Variants in SMIM35 observed in about 807,000 individuals in gnomAD.
SMIM35 encodes TMPRSS4 antisense RNA 1 (non-protein coding).
chr11:118,012,780 C>G (rs2058156987), intron 4 of SMIM35, among the ~76,000 whole-genome samples: 1 of 152,148 alleles, frequency 6.6e-6, no homozygotes. Flanking sequence ...GGGAAGTTGG[C>G]CTCAGGTGGG....
intron 4 of SMIM35, among the ~76,000 whole-genome samples, chr11:118,009,568 A>G (rs879885402): frequency 4.6e-5 from 7 of 152,146 alleles, no homozygotes; most frequent in African/African-American, 7.2e-5. Context: ...TAATGCTTAG[A>G]ATCCTAGACC....
At chr11:118,062,545 A>T (rs1217568197) in intron 1 of SMIM35, among the ~76,000 whole-genome samples, 3 of 152,156 alleles carry the variant, frequency 2.0e-5, no homozygotes, top group Non-Finnish European at 4.4e-5. Flanking sequence ...CAGGTGGTTC[A>T]CTTGGGCTCT....
At chr11:118,042,384 A>G (rs556067049) in intron 1 of SMIM35, among the ~76,000 whole-genome samples, 6 of 152,318 alleles carry the variant, frequency 3.9e-5, no homozygotes, top group South Asian at 4.1e-4. Context: ...ATTCCTAGAA[A>G]TACACAAACC....
chr11:118,039,936 T>C (rs1014180078), intron 1 of SMIM35, among the ~76,000 whole-genome samples: 1 of 150,854 alleles, frequency 6.6e-6, no homozygotes, highest in Non-Finnish European at 1.5e-5. Context: ...TCCCAGCTAC[T>C]AGTGAGGCTG....
intron 1 of SMIM35, among the ~76,000 whole-genome samples, chr11:118,065,821 A>G (rs1211638611): frequency 6.6e-6 from 1 of 151,992 alleles, no homozygotes; most frequent in African/African-American, 2.4e-5. Context: ...TTGCTTCATT[A>G]TTTTCTTGCT....
At chr11:118,019,135 A>G (rs2058206267) in intron 1 of SMIM35, among the ~76,000 whole-genome samples, 2 of 152,210 alleles carry the variant, frequency 1.3e-5, no homozygotes, top group Non-Finnish European at 2.9e-5. Context: ...AGATATAGAG[A>G]TATATAGCAT....
intron 1 of SMIM35, among the ~76,000 whole-genome samples, chr11:118,034,811 A>T (rs1053038559): frequency 2.0e-5 from 3 of 152,190 alleles, no homozygotes; most frequent in African/African-American, 7.2e-5. Flanking sequence ...GACAAGGGGG[A>T]CGAGGAGCCA....
intron 1 of SMIM35, among the ~76,000 whole-genome samples, chr11:118,048,983 GA>G (rs1944162396): frequency 8.0e-6 from 1 of 125,566 alleles, no homozygotes; most frequent in Non-Finnish European, 1.7e-5. Flanking sequence ...AAACGATGAT[GA>G]TTTTGCCAAT....
chr11:118,026,675 G>A (rs973310392), intron 1 of SMIM35, among the ~76,000 whole-genome samples: 6 of 152,172 alleles, frequency 3.9e-5, no homozygotes, highest in African/African-American at 1.4e-4. Context: ...TCATTAAGAT[G>A]CAGGTCTTAG....
intron 1 of SMIM35, among the ~76,000 whole-genome samples, chr11:118,059,815 C>T (rs1288173633): frequency 6.6e-6 from 1 of 152,218 alleles, no homozygotes. Flanking sequence ...ATCTGAGACA[C>T]AGGGTGAGGT....
intron 1 of SMIM35, among the ~76,000 whole-genome samples, chr11:118,041,750 C>T (rs7120925): frequency 0.3 from 46,140 of 151,848 alleles, 7,034 homozygotes; most frequent in Admixed American, 0.36. Context: ...TCTTCTAAGA[C>T]GCTAGAGAAA....
chr11:118,030,325 G>A (rs1407104323), intron 1 of SMIM35, among the ~76,000 whole-genome samples: 3 of 152,060 alleles, frequency 2.0e-5, no homozygotes, highest in African/African-American at 4.8e-5. Flanking sequence ...GTGAGCCATC[G>A]CACCCAACTT....
chr11:118,062,969 G>C lies in SMIM35; in HGVS notation c.7+23782C>G, dbSNP rs529542357. Among the ~76,000 whole-genome samples the C allele has an allele frequency of 2.0e-5, 3 of 152,252 alleles. No homozygotes were observed. In the South Asian group the frequency reaches 6.2e-4, roughly 32 times the overall value. On this transcript the variant is annotated intron_variant, in intron 1 of 4. Transcript: ENST00000689828. The stretch of plus-strand genomic sequence containing the variant: ...GCTGGCCAAAACCCACCAAGACCAA[G>C]ATGGCGACAAGAGTGACCTCTGGTC...
chr11:118,016,177 G>T (rs1304803419), intron 1 of SMIM35, among the ~76,000 whole-genome samples: 1 of 152,116 alleles, frequency 6.6e-6, no homozygotes, highest in Non-Finnish European at 1.5e-5. Context: ...CACCTGGAGG[G>T]TCCAAGAACA....
intron 1 of SMIM35, among the ~76,000 whole-genome samples, chr11:118,057,993 A>C (rs1944341316): frequency 1.3e-5 from 2 of 152,220 alleles, no homozygotes; most frequent in African/African-American, 4.8e-5. Context: ...CCAAGCCTAT[A>C]ATTTGATACC....
At chr11:118,040,955 A>G (rs1943990448) in intron 1 of SMIM35, among the ~76,000 whole-genome samples, 1 of 151,418 alleles carries the variant, frequency 6.6e-6, no homozygotes. Context: ...ATTGCATAAT[A>G]TAATAATATA....
intron 1 of SMIM35, among the ~76,000 whole-genome samples, chr11:118,054,618 C>T (rs1034752592): frequency 8.6e-5 from 13 of 151,930 alleles, no homozygotes; most frequent in African/African-American, 3.1e-4. Flanking sequence ...CCCATGCAAC[C>T]GTCATTACCT....
intron 4 of SMIM35, among the ~76,000 whole-genome samples, chr11:118,010,658 AC>A (rs2058145227): frequency 6.6e-6 from 1 of 152,150 alleles, no homozygotes; most frequent in Non-Finnish European, 1.5e-5. Context: ...CACAGCAAAG[AC>A]GGACTTGGGC....
intron 1 of SMIM35, among the ~76,000 whole-genome samples, chr11:118,076,585 A>G (rs1323663581): frequency 6.6e-6 from 1 of 152,186 alleles, no homozygotes; most frequent in African/African-American, 2.4e-5. Flanking sequence ...AAGCACTAGT[A>G]CATTGGCTCT....
Sources: gnomAD v4.1 joint callset for allele counts (sites outside exome capture counted in the v4.1 genomes callset) on GRCh38, gnomAD v4.1.1 for gene constraint, MANE v1.5 for transcripts, NCBI Gene and HGNC (gene_info 2026-07-23, HGNC 2026-07-21) for gene names.